The following ATF1 variants were observed in gnomAD, a reference collection of about 807,000 sequenced individuals.
The protein encoded by ATF1 is activating transcription factor 1.
In ATF1, 16 loss-of-function variants were observed where a neutral mutation model predicts 34.7. The ratio of observed to expected loss-of-function variants is 0.46; its 90% CI spans 0.31 to 0.70. ATF1 has a LOEUF of 0.70. Ranked by LOEUF, ATF1 falls within the 30% of genes least tolerant of loss-of-function variation. ATF1 has a pLI of 0.05. For synonymous variants in ATF1, 105 were observed against 113.1 expected (o/e 0.93, Z 0.46); for missense variants, 255 against 321.6 (o/e 0.79, Z 1.58).
At position 50,790,086 on chromosome 12, in the gene ATF1, C is replaced by CT. The variant is rs564764617; in HGVS notation, c.94-5822dup. Among the ~76,000 whole-genome samples the CT allele has an allele frequency of 2.9e-4, 44 of 152,080 alleles. 1 individual carries two copies. The South Asian group carries it at 8.9e-3, about 31-fold the overall frequency. On this transcript the variant is annotated intron_variant, in intron 2 of 6. Transcript: ENST00000262053. The stretch of plus-strand genomic sequence containing the variant: ...ATGTAGATTAATCCTATCATACGCT[C>CT]TCTCCATTAGCTGAGTGGCTTCAGT...
At chr12:50,795,269 A>G (rs1217765207) in intron 2 of ATF1, among the ~76,000 whole-genome samples, 3 of 152,164 alleles carry the variant, frequency 2.0e-5, no homozygotes, top group African/African-American at 4.8e-5. Context: ...GGACAGCTCA[A>G]TCATTTGGTT....
At chr12:50,808,103 C>T (rs770732141) in intron 3 of ATF1, among the ~76,000 whole-genome samples, 1 of 152,174 alleles carries the variant, frequency 6.6e-6, no homozygotes, top group Non-Finnish European at 1.5e-5. Context: ...AGCCACTGTG[C>T]CCATCCCCAA....
chr12:50,809,418 A>T, intron 3 of ATF1, 38 bp from the exon 4 acceptor site: 1 of 1,476,956 alleles, frequency 6.8e-7, no homozygotes. Flanking sequence ...AGTCATTCAC[A>T]TTACCAATGT....
intron 3 of ATF1, among the ~76,000 whole-genome samples, chr12:50,807,849 G>C (rs1382867785): frequency 7.0e-6 from 1 of 142,544 alleles, no homozygotes; most frequent in Admixed American, 7.6e-5. Flanking sequence ...TCACTCTGTC[G>C]CCCAGGCTGG....
At chr12:50,815,161 C>T (rs1202995404) in intron 6 of ATF1, among the ~76,000 whole-genome samples, 2 of 152,002 alleles carry the variant, frequency 1.3e-5, no homozygotes, top group Non-Finnish European at 2.9e-5. Context: ...AGCCTCAAGG[C>T]AGCCCCTACA....
At chr12:50,773,466 T>TTC (rs1156858215) in intron 1 of ATF1, among the ~76,000 whole-genome samples, 45 of 149,578 alleles carry the variant, frequency 3.0e-4, no homozygotes, top group Middle Eastern at 6.9e-3. Flanking sequence ...TTTTTTTTTT[T>TTC]CGAGACAAAG....
At chr12:50,764,047 C>A (rs920830542), upstream of ATF1, 1 of 151,364 alleles carries the variant, frequency 6.6e-6, no homozygotes, top group Non-Finnish European at 1.5e-5. Context: ...GTTTTGCCCC[C>A]CTCCCCTCCC....
At position 50,796,307 on chromosome 12, in the gene ATF1, T is replaced by C. The variant is rs181267273; in HGVS notation, c.194+298T>C. ...CTACTTAGAGGCTAAGGCGGGAAGA[T>C]GGCTTGAGCCCAGGAGTTTGAAGTT... is the stretch of plus-strand genomic sequence containing the variant. On this transcript the variant is annotated intron_variant, in intron 3 of 6. Coordinates refer to ENST00000262053, the MANE Select transcript of ATF1 (RefSeq NM_005171.5). Among the ~76,000 whole-genome samples, 31 of 152,278 alleles carry C rather than the reference T, an allele frequency of 2.0e-4. No homozygotes were observed. The East Asian group carries it at 4.6e-3, about 23-fold the overall frequency.
At chr12:50,810,419 T>C (rs978840490) in intron 4 of ATF1, among the ~76,000 whole-genome samples, 1 of 151,706 alleles carries the variant, frequency 6.6e-6, no homozygotes, top group Non-Finnish European at 1.5e-5. Context: ...GGTTTCACCA[T>C]GTTGGCCAGG....
At chr12:50,775,589 G>A (rs1208121626) in intron 1 of ATF1, 1 of 152,092 alleles carries the variant, frequency 6.6e-6, no homozygotes, top group Non-Finnish European at 1.5e-5. Context: ...TAGAGACGAG[G>A]TCTTGCTACA....
chr12:50,820,267 T>C lies in ATF1; in HGVS notation c.*488T>C, dbSNP rs1941924392. ...ATTACTAAATATATAAAGTATATGTTCTGATTATGTATACTTGTTCTAGTG... is the reference window on the plus strand; with the variant it reads ...ATTACTAAATATATAAAGTATATGTCCTGATTATGTATACTTGTTCTAGTG... On this transcript the variant is annotated 3_prime_UTR_variant, in exon 7 of 7. Transcript: ENST00000262053. 1 of 193,126 alleles carries C rather than the reference T, an allele frequency of 5.2e-6. No homozygotes were observed. The allele number at this position is 193,126 out of a possible 1,614,324, so 12.0% of individuals were successfully genotyped here.
chr12:50,788,187 C>CT (rs113494562), intron 2 of ATF1: 8,547 of 418,194 alleles, frequency 0.02, 49 homozygotes, highest in East Asian at 0.059. Flanking sequence ...TATAGCCAAT[C>CT]TTTTTTTTTT....
chr12:50,807,784 A>G (rs1941644408), intron 3 of ATF1, among the ~76,000 whole-genome samples: 1 of 143,430 alleles, frequency 7.0e-6, no homozygotes, highest in Admixed American at 7.1e-5. Context: ...TCTTTCCTCT[A>G]CCCCCAATTG....
At chr12:50,801,764 G>C (rs1592192722) in intron 3 of ATF1, among the ~76,000 whole-genome samples, 1 of 152,140 alleles carries the variant, frequency 6.6e-6, no homozygotes, top group East Asian at 1.9e-4. Flanking sequence ...CAAAAATCCA[G>C]TTACCATTTC....
chr12:50,806,418 TC>T, intron 3 of ATF1: 1 of 486,412 alleles, frequency 2.1e-6, no homozygotes, highest in Non-Finnish European at 4.3e-6. Flanking sequence ...TGACAATGGT[TC>T]CCATCAACAC....
Position 50,786,371 on chromosome 12 carries a change from G to A in ATF1, c.93+6133G>A, listed in dbSNP as rs142352779. Among the ~76,000 whole-genome samples, 321 of 152,296 alleles carry A rather than the reference G, an allele frequency of 2.1e-3. 1 individual carries two copies. Among genetic ancestry groups the A allele is most frequent in the African/African-American group, 7.6e-3 (315 of 41,552 alleles). On this transcript the variant is annotated intron_variant, in intron 2 of 6. Transcript: ENST00000262053. ...AATAAGCAGGGCTGCGTACTAGCAG[G>A]AAAATTAATGAATTGCTAAAGTCCA...
intron 3 of ATF1, among the ~76,000 whole-genome samples, chr12:50,807,462 T>G (rs911759866): frequency 1.3e-5 from 2 of 152,092 alleles, no homozygotes; most frequent in African/African-American, 4.8e-5. Flanking sequence ...GGAACCAGTT[T>G]TGGACCCAAA....
intron 3 of ATF1, among the ~76,000 whole-genome samples, chr12:50,799,022 T>C (rs1238857320): frequency 2.0e-5 from 3 of 152,130 alleles, no homozygotes; most frequent in African/African-American, 4.8e-5. Flanking sequence ...TGAACTGACA[T>C]TGGAACCACA....
intron 1 of ATF1, among the ~76,000 whole-genome samples, chr12:50,778,822 C>T (rs1940991059): frequency 6.6e-6 from 1 of 152,170 alleles, no homozygotes; most frequent in Non-Finnish European, 1.5e-5. Flanking sequence ...CTCAGGCAGT[C>T]CGCCCATATT....
Sources: allele counts gnomAD v4.1 joint callset (sites outside exome capture counted in the v4.1 genomes callset), GRCh38; gene constraint gnomAD v4.1.1; transcripts MANE v1.5; gene names NCBI Gene and HGNC (gene_info 2026-07-23, HGNC 2026-07-21).